The following TMCC3 variants were observed in gnomAD, a reference collection of about 807,000 sequenced individuals.
The protein encoded by TMCC3 is transmembrane and coiled-coil domain protein 3.
In TMCC3, 28 loss-of-function variants were observed where a neutral mutation model predicts 40.2. The observed-to-expected ratio is 0.70, with a 90% CI of 0.52 to 0.95. TMCC3 has a LOEUF of 0.95. Ranked by LOEUF, TMCC3 falls within the 40% of genes least tolerant of loss-of-function variation. TMCC3 has a pLI of 0.00. For synonymous variants in TMCC3, 255 were observed against 248.5 expected, an observed-to-expected ratio of 1.03 and a Z score of -0.25; for missense variants, 554 against 615.2, an observed-to-expected ratio of 0.90 and a Z score of 1.05.
At position 94,571,376 on chromosome 12, in the gene TMCC3, GCA is replaced by G. The variant is rs1349409155; in HGVS notation, c.*57_*58del. The G allele has an allele frequency of 1.1e-5, 17 of 1,557,044 alleles. No individual in the cohort carries two copies. The highest frequency in any genetic ancestry group is 1.4e-5 in the Non-Finnish European group (16 of 1,144,416). ...CATTCACTGTAAAATTTGGTAGTATGCACAGAGTTTTCTTTAAAATAAAAACT... is the reference window on the plus strand; with the variant it reads ...CATTCACTGTAAAATTTGGTAGTATGCAGAGTTTTCTTTAAAATAAAAACT... On this transcript the variant is annotated 3_prime_UTR_variant, in exon 4 of 4. Coordinates refer to ENST00000261226, the MANE Select transcript of TMCC3 (RefSeq NM_020698.4).
chr12:94,646,670 C>A (rs922006074), intron 1 of TMCC3, among the ~76,000 whole-genome samples: 3 of 150,950 alleles, frequency 2.0e-5, no homozygotes. Context: ...AACTCCTGAC[C>A]TCAGGTGATC....
At chr12:94,647,253 G>C (rs532029647) in intron 1 of TMCC3, among the ~76,000 whole-genome samples, 21 of 152,248 alleles carry the variant, frequency 1.4e-4, no homozygotes, top group African/African-American at 5.1e-4. Context: ...AACAATCACA[G>C]AATTCATTAC....
intron 1 of TMCC3, among the ~76,000 whole-genome samples, chr12:94,590,634 G>A (rs1002664446): frequency 1.3e-5 from 2 of 152,180 alleles, no homozygotes; most frequent in African/African-American, 4.8e-5. Flanking sequence ...TCTCTGTGCT[G>A]GCTGATACAG....
chr12:94,612,827 A>AT lies in TMCC3; in HGVS notation c.79-30290dup, dbSNP rs372182668. ...CTGCAAGGTATATTTGCAGTGTTTG[A>AT]TTTTAACTGATTCTTAAAACATTAA... On this transcript the variant is annotated intron_variant, in intron 1 of 3. Coordinates refer to ENST00000261226, the MANE Select transcript of TMCC3 (RefSeq NM_020698.4). Among the ~76,000 whole-genome samples the AT allele has an allele frequency of 1.7e-3, 255 of 152,294 alleles. 1 individual carries two copies. The highest frequency in any genetic ancestry group is 6.0e-3 in the African/African-American group (251 of 41,566).
At chr12:94,601,426 G>A (rs1325011073) in intron 1 of TMCC3, among the ~76,000 whole-genome samples, 1 of 152,152 alleles carries the variant, frequency 6.6e-6, no homozygotes, top group African/African-American at 2.4e-5. Flanking sequence ...GCTGAGGCAT[G>A]AGAATCACTT....
At chr12:94,616,086 G>T (rs1485614276) in intron 1 of TMCC3, 1 of 985,316 alleles carries the variant, frequency 1.0e-6, no homozygotes. Flanking sequence ...TTATCTCGGG[G>T]TATTCCTGTG....
At chr12:94,643,814 G>A (rs1195891859) in intron 1 of TMCC3, among the ~76,000 whole-genome samples, 1 of 152,244 alleles carries the variant, frequency 6.6e-6, no homozygotes, top group African/African-American at 2.4e-5. Flanking sequence ...GGCAGACAGG[G>A]AAGTGGTAAA....
At chr12:94,633,446 A>AT (rs1261563569) in intron 1 of TMCC3, among the ~76,000 whole-genome samples, 2 of 152,150 alleles carry the variant, frequency 1.3e-5, no homozygotes, top group African/African-American at 4.8e-5. Context: ...TAGTTTTAAA[A>AT]TTTTTTTCCA....
At chr12:94,611,122 T>C (rs1469304460) in intron 1 of TMCC3, among the ~76,000 whole-genome samples, 1 of 152,192 alleles carries the variant, frequency 6.6e-6, no homozygotes, top group Non-Finnish European at 1.5e-5. Context: ...AAATAATCTA[T>C]AGGATAGTAG....
At chr12:94,575,562 CTGAG>C (rs767403689) in intron 3 of TMCC3, among the ~76,000 whole-genome samples, 9 of 152,192 alleles carry the variant, frequency 5.9e-5, no homozygotes, top group Admixed American at 1.3e-4. Context: ...CTTTACACTT[CTGAG>C]TGAGAGATGA....
chr12:94,632,967 A>G (rs2068941174), intron 1 of TMCC3, among the ~76,000 whole-genome samples: 1 of 152,130 alleles, frequency 6.6e-6, no homozygotes, highest in Non-Finnish European at 1.5e-5. Context: ...TTCGCTGGGC[A>G]TGGTGGTGCG....
intron 1 of TMCC3, among the ~76,000 whole-genome samples, chr12:94,593,563 T>C (rs1013259089): frequency 2.6e-5 from 4 of 151,660 alleles, no homozygotes; most frequent in Admixed American, 1.3e-4. Flanking sequence ...TACATATATC[T>C]TTCATGGCCC....
intron 1 of TMCC3, among the ~76,000 whole-genome samples, chr12:94,584,266 G>C (rs2068624441): frequency 6.6e-6 from 1 of 152,032 alleles, no homozygotes; most frequent in African/African-American, 2.4e-5. Context: ...TTGTTTAAAA[G>C]TGTGTAGCAC....
At position 94,588,825 on chromosome 12, in the gene TMCC3, ATT is replaced by A. The variant is rs77963963; in HGVS notation, c.79-6289_79-6288del. Reference sequence around the variant, plus strand: ...GTAAACTTTCTTAAATCGGTATGAGATTTTTTTTTTTTTTTTTTGAGACAGTC... The same window carrying A: ...GTAAACTTTCTTAAATCGGTATGAGATTTTTTTTTTTTTTTTGAGACAGTC... On this transcript the variant is annotated intron_variant, in intron 1 of 3. Transcript: ENST00000261226. Among the ~76,000 whole-genome samples the A allele has an allele frequency of 2.7e-3, 385 of 141,556 alleles. 2 individuals carry two copies. Among genetic ancestry groups the A allele is most frequent in the Non-Finnish European group, 3.6e-3 (236 of 65,144 alleles). 92.9% of individuals were successfully genotyped at this position (141,556 alleles called of 152,430 possible). A position where few individuals can be genotyped will look rare whatever the true frequency, so the allele number is the denominator to read the frequency against.
intron 1 of TMCC3, among the ~76,000 whole-genome samples, chr12:94,588,855 A>C (rs2068654191): frequency 6.9e-6 from 1 of 144,964 alleles, no homozygotes. Context: ...AGACAGTCTC[A>C]CTCTGTCACC....
At chr12:94,594,851 G>C (rs1454086439) in intron 1 of TMCC3, among the ~76,000 whole-genome samples, 4 of 152,156 alleles carry the variant, frequency 2.6e-5, no homozygotes, top group Non-Finnish European at 5.9e-5. Flanking sequence ...TGTACTTAGT[G>C]TAAGTTTCTA....
chr12:94,618,522 T>A (rs934651288), intron 1 of TMCC3, among the ~76,000 whole-genome samples: 1 of 152,244 alleles, frequency 6.6e-6, no homozygotes, highest in Non-Finnish European at 1.5e-5. Flanking sequence ...GGATTAAACG[T>A]AGACAATGAT....
At chr12:94,611,124 G>C (rs1464997482) in intron 1 of TMCC3, among the ~76,000 whole-genome samples, 1 of 152,022 alleles carries the variant, frequency 6.6e-6, no homozygotes, top group Non-Finnish European at 1.5e-5. Context: ...ATAATCTATA[G>C]GATAGTAGGC....
rs377448077 is a variant in TMCC3, at chr12:94,582,500, C to T, written c.117G>A (p.Leu39=). The T allele has an allele frequency of 2.5e-6, 4 of 1,613,306 alleles. No homozygotes were observed. The African/African-American group carries it at 4.0e-5, about 16-fold the overall frequency. The change falls in exon 2 of 4, where the codon CTG becomes CTA. Residue 39 remains leucine, a synonymous_variant. Coordinates refer to ENST00000261226, the MANE Select transcript of TMCC3 (RefSeq NM_020698.4). ...RHDMNTLSLP[L]NIRRGGSDTN... Reference sequence around the variant, plus strand: ...TGTCTGACCCCCCTCGGCGTATGTTCAGGGGCAGGCTTAAGGTATTCATGT... The same window carrying T: ...TGTCTGACCCCCCTCGGCGTATGTTTAGGGGCAGGCTTAAGGTATTCATGT...
Sources: gnomAD v4.1 joint callset for allele counts (sites outside exome capture counted in the v4.1 genomes callset) on GRCh38, gnomAD v4.1.1 for gene constraint, MANE v1.5 for transcripts, NCBI Gene and HGNC (gene_info 2026-07-23, HGNC 2026-07-21) for gene names.